The following MBNL1 variants were observed in gnomAD, a reference collection of about 807,000 sequenced individuals.
MBNL1 encodes muscleblind like splicing regulator 1.
MBNL1 carries 8 observed loss-of-function variants against 42.2 expected under a neutral mutation model. The observed-to-expected ratio is 0.19, with a 90% confidence interval of 0.11 to 0.34. The LOEUF (loss-of-function observed/expected upper bound fraction) is 0.34, where lower values mean the gene tolerates loss of function less well. Ranked by LOEUF, MBNL1 falls within the 10% of genes least tolerant of loss-of-function variation. The pLI is 1.00. For synonymous variants in MBNL1, 169 were observed against 173.9 expected (o/e 0.97, Z 0.22); for missense variants, 309 against 495.3 (o/e 0.62, Z 3.57).
intron 2 of MBNL1, among the ~76,000 whole-genome samples, chr3:152,371,677 C>G (rs1163488429): frequency 6.6e-6 from 1 of 152,200 alleles, no homozygotes; most frequent in African/African-American, 2.4e-5. Flanking sequence ...CACTGTTAGT[C>G]TGATGGGCTT....
chr3:152,417,210 T>A (rs1260949977), intron 3 of MBNL1, among the ~76,000 whole-genome samples: 1 of 152,108 alleles, frequency 6.6e-6, no homozygotes, highest in Non-Finnish European at 1.5e-5. Context: ...AGCCCTGTTT[T>A]GATGAGGGTA....
intron 3 of MBNL1, among the ~76,000 whole-genome samples, chr3:152,420,385 G>A (rs1461048549): frequency 6.6e-6 from 1 of 152,130 alleles, no homozygotes; most frequent in Non-Finnish European, 1.5e-5. Context: ...GGCATCTGGT[G>A]GATGCCCCTC....
intron 2 of MBNL1, among the ~76,000 whole-genome samples, chr3:152,261,730 T>C (rs1576813530): frequency 6.6e-6 from 1 of 152,102 alleles, no homozygotes; most frequent in Non-Finnish European, 1.5e-5. Flanking sequence ...GCATGAAAAA[T>C]CTGAACAACA....
chr3:152,340,893 G>C, intron 2 of MBNL1: 1 of 1,610,852 alleles, frequency 6.2e-7, no homozygotes, highest in Non-Finnish European at 8.5e-7. Flanking sequence ...GTGGGCCAGG[G>C]TCCATCTGCA....
At chr3:152,326,722 A>G (rs1027603947) in intron 2 of MBNL1, among the ~76,000 whole-genome samples, 4 of 151,982 alleles carry the variant, frequency 2.6e-5, no homozygotes, top group Non-Finnish European at 4.4e-5. Flanking sequence ...AAATAAGCTT[A>G]CACATATAAT....
intron 2 of MBNL1, among the ~76,000 whole-genome samples, chr3:152,254,718 C>T (rs1017507821): frequency 6.6e-6 from 1 of 151,632 alleles, no homozygotes; most frequent in East Asian, 1.9e-4. Flanking sequence ...ATAATAAAAC[C>T]AATGATAATG....
intron 2 of MBNL1, among the ~76,000 whole-genome samples, chr3:152,251,846 C>G (rs1399278826): frequency 6.6e-6 from 1 of 152,008 alleles, no homozygotes; most frequent in African/African-American, 2.4e-5. Flanking sequence ...AATTTCCTCT[C>G]AGATTTAACA....
chr3:152,402,844 A>T (rs1172452792), intron 2 of MBNL1, among the ~76,000 whole-genome samples: 1 of 152,212 alleles, frequency 6.6e-6, no homozygotes, highest in Non-Finnish European at 1.5e-5. Context: ...GGACTCATTC[A>T]CTTGGTAAAC....
At chr3:152,354,708 G>A (rs1171902436) in intron 2 of MBNL1, among the ~76,000 whole-genome samples, 1 of 151,044 alleles carries the variant, frequency 6.6e-6, no homozygotes, top group Non-Finnish European at 1.5e-5. Context: ...ACATATTGTT[G>A]TGTAAGAAAA....
At chr3:152,434,299 T>G (rs1560580045) in intron 4 of MBNL1, among the ~76,000 whole-genome samples, 1 of 152,190 alleles carries the variant, frequency 6.6e-6, no homozygotes, top group African/African-American at 2.4e-5. Flanking sequence ...TGAGAACATG[T>G]GGTTATGTGG....
At chr3:152,319,871 C>T (rs2152376967) in intron 2 of MBNL1, among the ~76,000 whole-genome samples, 1 of 152,070 alleles carries the variant, frequency 6.6e-6, no homozygotes, top group African/African-American at 2.4e-5. Flanking sequence ...TTAATTCTTT[C>T]TTTGTGCTCT....
At chr3:152,293,234 T>G (rs1487006082) in intron 1 of MBNL1, among the ~76,000 whole-genome samples, 6 of 152,244 alleles carry the variant, frequency 3.9e-5, no homozygotes, top group African/African-American at 1.4e-4. Context: ...TACCCCTCAC[T>G]GAGAAATACT....
chr3:152,338,177 G>A (rs1276114994), intron 2 of MBNL1: 1 of 985,214 alleles, frequency 1.0e-6, no homozygotes, highest in Non-Finnish European at 1.2e-6. Context: ...ATGCTAGAAT[G>A]GCCTATCTCC....
intron 8 of MBNL1, among the ~76,000 whole-genome samples, chr3:152,457,082 T>A (rs116342909): frequency 0.01 from 1,595 of 152,304 alleles, 32 homozygotes; most frequent in African/African-American, 0.036. Flanking sequence ...AAGGGATTTG[T>A]TTCATAAATT....
chr3:152,273,037 C>G (rs2042832771), intron 1 of MBNL1, among the ~76,000 whole-genome samples: 1 of 152,124 alleles, frequency 6.6e-6, no homozygotes, highest in Non-Finnish European at 1.5e-5. Flanking sequence ...GAAGAGTTGC[C>G]TCAGCTTGGT....
chr3:152,269,313 C>A, intron 1 of MBNL1: 1 of 348,234 alleles, frequency 2.9e-6, no homozygotes. Flanking sequence ...CCTTCCCTGC[C>A]GCGGGCTCTG....
intron 2 of MBNL1, among the ~76,000 whole-genome samples, chr3:152,315,901 T>A (rs1283573600): frequency 6.6e-6 from 1 of 151,448 alleles, no homozygotes; most frequent in Non-Finnish European, 1.5e-5. Flanking sequence ...CCTCTCTCTC[T>A]CACACACATA....
intron 2 of MBNL1, among the ~76,000 whole-genome samples, chr3:152,306,646 A>G (rs989283207): frequency 2.0e-5 from 3 of 152,160 alleles, no homozygotes; most frequent in African/African-American, 7.2e-5. Flanking sequence ...ATTATTTTAA[A>G]AAACTGTTGC....
intron 2 of MBNL1, among the ~76,000 whole-genome samples, chr3:152,332,415 G>A (rs2152662334): frequency 6.6e-6 from 1 of 152,286 alleles, no homozygotes; most frequent in African/African-American, 2.4e-5. Flanking sequence ...TATATAACAT[G>A]ACTACCCAAG....
Sources: allele counts gnomAD v4.1 joint callset (sites outside exome capture counted in the v4.1 genomes callset), GRCh38; gene constraint gnomAD v4.1.1; transcripts MANE v1.5; gene names NCBI Gene and HGNC (gene_info 2026-07-23, HGNC 2026-07-21).